ABCA4: variants seen among roughly 807,000 people sequenced by gnomAD.
The protein encoded by ABCA4 is ATP binding cassette subfamily A member 4.
ABCA4 carries 196 observed loss-of-function variants against 263.7 expected under a neutral mutation model. The observed-to-expected ratio is 0.74, with a 90% CI of 0.66 to 0.84. The LOEUF is 0.84. Ranked by LOEUF, ABCA4 falls within the 40% of genes least tolerant of loss-of-function variation. ABCA4 has a pLI of 0.00. For missense variants in ABCA4, 2,792 were observed against 2,855.1 expected, an observed-to-expected ratio of 0.98 and a Z score of 0.50; for synonymous variants, 1,133 against 1,094.2, an observed-to-expected ratio of 1.04 and a Z score of -0.70.
rs74963419 is a variant in ABCA4 at position 94,114,073 on chromosome 1, G to C, written c.67-1007C>G. 5.7e-3 allele frequency among the ~76,000 whole-genome samples: 872 copies of C among 152,312 alleles called. 10 individuals carry two copies. The highest frequency in any genetic ancestry group is 0.019 in the African/African-American group (798 of 41,566). ...TGAAGGAGATCTGAAGCAGCTGGCCGGGGAATAGCAAGTTTAATAGATCAG... is the reference window on the plus strand; with the variant it reads ...TGAAGGAGATCTGAAGCAGCTGGCCCGGGAATAGCAAGTTTAATAGATCAG... On this transcript the variant is annotated intron_variant, in intron 1 of 49. Coordinates refer to ENST00000370225, the MANE Select transcript of ABCA4 (RefSeq NM_000350.3).
intron 5 of ABCA4, among the ~76,000 whole-genome samples, chr1:94,101,319 GC>G (rs953766776): frequency 5.0e-4 from 69 of 136,962 alleles, no homozygotes; most frequent in African/African-American, 1.7e-3. Context: ...AGCAATCGGT[GC>G]CGACAGCACC....
intron 2 of ABCA4, among the ~76,000 whole-genome samples, chr1:94,111,917 T>C (rs981110986): frequency 2.0e-5 from 3 of 152,220 alleles, no homozygotes; most frequent in Non-Finnish European, 4.4e-5. Flanking sequence ...CAGTTGCTGC[T>C]GCTGCTTGAG....
chr1:93,994,417 T>C (rs575746574), intron 49 of ABCA4, among the ~76,000 whole-genome samples: 1 of 152,368 alleles, frequency 6.6e-6, no homozygotes, highest in Non-Finnish European at 1.5e-5. Flanking sequence ...AATTTGGAGT[T>C]GTAAAGCCAA....
chr1:94,000,962 G>T, intron 46 of ABCA4, 34 bp from the exon 47 acceptor site: 1 of 1,613,906 alleles, frequency 6.2e-7, no homozygotes, highest in Non-Finnish European at 8.5e-7. Flanking sequence ...GAGCAGGAGA[G>T]GATTCCCACC....
intron 44 of ABCA4, among the ~76,000 whole-genome samples, chr1:94,002,317 G>A (rs1659213439): frequency 6.6e-6 from 1 of 152,226 alleles, no homozygotes; most frequent in Non-Finnish European, 1.5e-5. Context: ...CAGTGGAGGA[G>A]GAAGGCTCTG....
intron 18 of ABCA4, among the ~76,000 whole-genome samples, chr1:94,047,638 G>T (rs1199209788): frequency 6.6e-6 from 1 of 152,146 alleles, no homozygotes; most frequent in Non-Finnish European, 1.5e-5. Flanking sequence ...ATTCTCCCAT[G>T]ACCTTTTCTG....
At chr1:94,064,421 C>T (rs1313963739) in intron 11 of ABCA4, among the ~76,000 whole-genome samples, 1 of 152,130 alleles carries the variant, frequency 6.6e-6, no homozygotes, top group Non-Finnish European at 1.5e-5. Context: ...GAGGAAGAGC[C>T]TCCTGAGTAG....
In ABCA4 at chr1:94,083,443, T is replaced by C. The variant is rs754536977; in HGVS notation, c.769-2A>G. The C allele has an allele frequency of 1.2e-6, 2 of 1,611,034 alleles. No individual in the cohort carries two copies. Among genetic ancestry groups the C allele is most frequent in the South Asian group, 2.2e-5 (2 of 91,004 alleles). On this transcript the variant is annotated splice_acceptor_variant, in intron 6 of 49. Transcript: ENST00000370225. LOFTEE classifies it high-confidence loss of function. ...ACGGCTGTCTAGGAGTGTGGGAAGC[T>C]GTAATTGACAGTAAAACAATTTTTT...
chr1:94,036,591 G>T (rs931178625), intron 26 of ABCA4, 149 bp downstream of exon 26: 1 of 814,612 alleles, frequency 1.2e-6, no homozygotes, highest in Non-Finnish European at 2.1e-6. Context: ...TGGCCAGGCT[G>T]GTCTCGAACT....
chr1:94,039,948 T>C, intron 24 of ABCA4, 95 bp downstream of exon 24: 6 of 1,052,042 alleles, frequency 5.7e-6, no homozygotes, highest in Non-Finnish European at 7.2e-6. Context: ...AGTGTTCTCT[T>C]TGCTCCCATT....
chr1:94,083,445 T>C lies in ABCA4; in HGVS notation c.769-4A>G, dbSNP rs370207648. The C allele has an allele frequency of 5.0e-6, 8 of 1,607,658 alleles. No individual in the cohort carries two copies. In the African/African-American group the frequency reaches 5.3e-5, roughly 11 times the overall value. On this transcript the variant is annotated splice_polypyrimidine_tract_variant and splice_region_variant and intron_variant, in intron 6 of 49. Transcript: ENST00000370225. Reference sequence around the variant, plus strand: ...GGCTGTCTAGGAGTGTGGGAAGCTGTAATTGACAGTAAAACAATTTTTTAA... The same window carrying C: ...GGCTGTCTAGGAGTGTGGGAAGCTGCAATTGACAGTAAAACAATTTTTTAA...
chr1:94,015,914 A>G, intron 36 of ABCA4, 60 bp from the exon 37 acceptor site: 3 of 1,441,086 alleles, frequency 2.1e-6, no homozygotes, highest in Non-Finnish European at 2.9e-6. Context: ...CCAGCTCTGC[A>G]AAATGAGGGG....
intron 4 of ABCA4, among the ~76,000 whole-genome samples, chr1:94,106,553 T>C (rs546487376): frequency 2.8e-4 from 42 of 152,300 alleles, no homozygotes; most frequent in African/African-American, 9.6e-4. Context: ...AAATGGTAAT[T>C]GTACTCATAC....
At chr1:94,075,442 G>T (rs1661514640) in intron 11 of ABCA4, among the ~76,000 whole-genome samples, 1 of 152,110 alleles carries the variant, frequency 6.6e-6, no homozygotes, top group Non-Finnish European at 1.5e-5. Flanking sequence ...CTGCAGTTTG[G>T]TGCTGCTGTC....
intron 20 of ABCA4, 109 bp from the exon 21 acceptor site, chr1:94,043,584 G>A: frequency 3.5e-6 from 5 of 1,420,004 alleles, no homozygotes; most frequent in Non-Finnish European, 4.9e-6. Context: ...CAATCAAGAT[G>A]CTCACTGTGG....
At chr1:94,112,941 A>G (rs761313231) in intron 2 of ABCA4, 32 bp downstream of exon 2, 2 of 1,570,562 alleles carry the variant, frequency 1.3e-6, no homozygotes, top group East Asian at 2.2e-5. Context: ...AAGTCTCTTC[A>G]GGGCTTGCCC....
intron 11 of ABCA4, among the ~76,000 whole-genome samples, chr1:94,077,332 T>G (rs1316772120): frequency 6.6e-6 from 1 of 151,880 alleles, no homozygotes; most frequent in Non-Finnish European, 1.5e-5. Flanking sequence ...AGGGCAGGAG[T>G]GTCCAGCAAG....
rs61750202 is a variant in ABCA4, at chr1:94,055,245, C to T, written c.2453G>A (p.Gly818Glu). The T allele has an allele frequency of 4.2e-5, 67 of 1,614,030 alleles. No homozygotes were observed. The Admixed American group carries it at 1.1e-3, about 26-fold the overall frequency. Reference sequence around the variant, plus strand: ...GTTCCCGATGTTGCTCCACTGCAGCCCCAGGCCTTGCTCTTCAAAGCGAAC... The same window carrying T: ...GTTCCCGATGTTGCTCCACTGCAGCTCCAGGCCTTGCTCTTCAAAGCGAAC... ...YLVRFEEQGL[G>E]LQWSNIGNSP... The change falls in exon 16 of 50, where the codon GGG becomes GAG. Residue 818 changes from glycine to glutamate, a missense_variant. Transcript: ENST00000370225.
At chr1:94,083,726 T>C (rs1201649542) in intron 6 of ABCA4, among the ~76,000 whole-genome samples, 1 of 152,228 alleles carries the variant, frequency 6.6e-6, no homozygotes, top group Non-Finnish European at 1.5e-5. Flanking sequence ...ATTGCTGTTT[T>C]AGTGACACCA....
Sources: gnomAD v4.1 joint callset for allele counts (sites outside exome capture counted in the v4.1 genomes callset) on GRCh38, gnomAD v4.1.1 for gene constraint, MANE v1.5 for transcripts, NCBI Gene and HGNC (gene_info 2026-07-23, HGNC 2026-07-21) for gene names.